Variants in PUDP observed in about 807,000 individuals in gnomAD.
The protein encoded by PUDP is pseudouridine 5'-phosphatase.
A neutral mutation model predicts 9.4 loss-of-function variants in PUDP; 8 were observed. The ratio of observed to expected loss-of-function variants is 0.85; its 90% CI spans 0.50 to 1.53. The LOEUF is 1.53. Among genes scored for constraint, PUDP ranks in the 40% most tolerant of loss-of-function variants. PUDP has a pLI of 0.00. For synonymous variants in PUDP, 99 were observed against 80.7 expected (o/e 1.23, Z -1.22); for missense variants, 188 against 189.7 (o/e 0.99, Z 0.05).
At position 6,881,241 on chromosome X, in the gene PUDP, G is replaced by A. The variant is rs1927341921; in HGVS notation, c.*247+95892C>T. 7.1e-5 allele frequency among the ~76,000 whole-genome samples: 8 copies of A among 112,030 alleles called. No individual in the cohort carries two copies. The Admixed American group carries it at 7.6e-4, about 11-fold the overall frequency. On this transcript the variant is annotated intron_variant and NMD_transcript_variant, in intron 3 of 3. Transcript: ENST00000655425. ...AGACAGCAAGTGCAATTTTTATAATGAGCAGTTTTCAGGCATATGTCGTTA... is the reference window on the plus strand; with the variant it reads ...AGACAGCAAGTGCAATTTTTATAATAAGCAGTTTTCAGGCATATGTCGTTA...
At chrX:7,002,258 G>C (rs761612898) in intron 1 of PUDP, among the ~76,000 whole-genome samples, 1 of 112,022 alleles carries the variant, frequency 8.9e-6, no homozygotes, top group African/African-American at 3.2e-5. Context: ...ATACTCATCA[G>C]ATTGGCAGAA....
At chrX:7,037,452 C>T (rs1371334165) in intron 1 of PUDP, among the ~76,000 whole-genome samples, 2 of 112,174 alleles carry the variant, frequency 1.8e-5, no homozygotes, top group Non-Finnish European at 3.8e-5. Flanking sequence ...TTGATCTTAA[C>T]TTTCTAAGCA....
intron 3 of PUDP, among the ~76,000 whole-genome samples, chrX:6,873,104 C>A (rs975404204): frequency 1.8e-5 from 2 of 111,594 alleles, no homozygotes. Flanking sequence ...AAGACTCAAA[C>A]GGCATAGCGC....
At chrX:7,014,915 A>G (rs1929526510) in intron 1 of PUDP, among the ~76,000 whole-genome samples, 1 of 111,842 alleles carries the variant, frequency 8.9e-6, no homozygotes, top group Admixed American at 9.4e-5. Flanking sequence ...AATAACTAAC[A>G]TCACTTTTTA....
chrX:6,780,653 A>G (rs1239752813), intron 3 of PUDP, among the ~76,000 whole-genome samples: 1 of 111,457 alleles, frequency 9.0e-6, no homozygotes, highest in African/African-American at 3.3e-5. Flanking sequence ...TAGCAGCAGG[A>G]ACTCATTAGA....
intron 3 of PUDP, among the ~76,000 whole-genome samples, chrX:6,863,528 G>A (rs977245612): frequency 6.3e-5 from 7 of 111,951 alleles, no homozygotes; most frequent in Non-Finnish European, 1.1e-4. Flanking sequence ...AGCAGGTTTG[G>A]GGGGAAAGCT....
chrX:6,980,598 G>A (rs965051968), intron 1 of PUDP, among the ~76,000 whole-genome samples: 1 of 109,626 alleles, frequency 9.1e-6, no homozygotes, highest in Non-Finnish European at 1.9e-5. Context: ...CACTCAAGGT[G>A]CATTACAGCC....
intron 3 of PUDP, among the ~76,000 whole-genome samples, chrX:7,065,259 C>T (rs1930517795): frequency 8.9e-6 from 1 of 112,232 alleles, no homozygotes; most frequent in African/African-American, 3.2e-5. Flanking sequence ...CCCACCGTTC[C>T]CTACCTGCTG....
intron 3 of PUDP, among the ~76,000 whole-genome samples, chrX:6,864,292 A>G (rs1022871583): frequency 3.6e-5 from 4 of 112,105 alleles, no homozygotes; most frequent in African/African-American, 1.3e-4. Context: ...CAGAAAAACT[A>G]TGGTTTGGAA....
At chrX:6,868,347 C>A in intron 3 of PUDP, among the ~76,000 whole-genome samples, 1 of 112,077 alleles carries the variant, frequency 8.9e-6, no homozygotes, top group Non-Finnish European at 1.9e-5. Context: ...AGTGGCCTGA[C>A]CCTGTGCTCC....
At chrX:7,125,984 C>A (rs1056061839) in intron 1 of PUDP, among the ~76,000 whole-genome samples, 1 of 110,939 alleles carries the variant, frequency 9.0e-6, no homozygotes, top group Admixed American at 9.6e-5. Context: ...TCTTAGCATT[C>A]CCTATCAATG....
rs181090988 is a variant in PUDP, at chrX:7,130,195, A to C, written c.61+17858T>G. On this transcript the variant is annotated intron_variant, in intron 1 of 3. Transcript: ENST00000381077. ...GAAGGGAGTAGAATAAAAGGACTTC[A>C]AAGTTGTGAGTTCGGCACCCTTACG... Among the ~76,000 whole-genome samples, 4 of 111,258 alleles carry C rather than the reference A, an allele frequency of 3.6e-5. No homozygotes were observed. In the Admixed American group the frequency reaches 3.8e-4, roughly 11 times the overall value.
intron 3 of PUDP, among the ~76,000 whole-genome samples, chrX:6,933,891 G>GATGAAATGA (rs1395390958): frequency 9.0e-6 from 1 of 110,699 alleles, no homozygotes; most frequent in Non-Finnish European, 1.9e-5. Context: ...AGTGATGGAA[G>GATGAAATGA]ATGAAATGAA....
At chrX:6,756,647 C>G (rs191565537) in intron 3 of PUDP, among the ~76,000 whole-genome samples, 1 of 112,130 alleles carries the variant, frequency 8.9e-6, no homozygotes, top group African/African-American at 3.2e-5. Context: ...GATGGCTGAC[C>G]ATGAAGAGTA....
At chrX:7,051,323 A>G (rs1352094971) in intron 3 of PUDP, among the ~76,000 whole-genome samples, 1 of 111,602 alleles carries the variant, frequency 9.0e-6, no homozygotes, top group Admixed American at 9.5e-5. Flanking sequence ...GCTCTCACTT[A>G]TAAGTGGAAT....
chrX:7,030,415 C>T (rs1427827506), intron 1 of PUDP, among the ~76,000 whole-genome samples: 1 of 112,071 alleles, frequency 8.9e-6, no homozygotes, highest in Admixed American at 9.5e-5. Flanking sequence ...CTGAGTTAAA[C>T]AAAACCAGTG....
intron 1 of PUDP, among the ~76,000 whole-genome samples, chrX:7,023,389 C>T (rs758379266): frequency 3.4e-4 from 38 of 112,088 alleles, no homozygotes; most frequent in Middle Eastern, 4.6e-3. Flanking sequence ...GACACTGACT[C>T]GGAATGGATG....
At chrX:7,039,996 A>G (rs1929900737) in intron 1 of PUDP, among the ~76,000 whole-genome samples, 2 of 112,370 alleles carry the variant, frequency 1.8e-5, no homozygotes, top group South Asian at 7.4e-4. Flanking sequence ...TCCAATCCTA[A>G]AACAGAATTT....
intron 3 of PUDP, among the ~76,000 whole-genome samples, chrX:6,768,784 A>T (rs1925318587): frequency 1.8e-5 from 2 of 112,040 alleles, no homozygotes; most frequent in Admixed American, 1.9e-4. Flanking sequence ...TTATGAACAT[A>T]TATGCATATT....
Sources: allele counts gnomAD v4.1 joint callset (sites outside exome capture counted in the v4.1 genomes callset), GRCh38; gene constraint gnomAD v4.1.1; transcripts MANE v1.5; gene names NCBI Gene and HGNC (gene_info 2026-07-23, HGNC 2026-07-21).